Variants in MYLK3 observed in about 807,000 individuals in gnomAD.
The protein encoded by MYLK3 is myosin light chain kinase 3, also known as MLC kinase.
In MYLK3, 55 loss-of-function variants were observed where a neutral mutation model predicts 76.3. The observed-to-expected ratio is 0.72, with a 90% CI of 0.58 to 0.90. MYLK3 has a LOEUF of 0.90. Among genes scored for constraint, MYLK3 ranks in the 40% least tolerant of loss-of-function variants. The pLI is 0.00. For missense variants in MYLK3, 973 were observed against 1,053.6 expected (o/e 0.92, Z 1.06); for synonymous variants, 416 against 425.4 (o/e 0.98, Z 0.27).
chr16:46,721,500 G>A (rs557687143), intron 8 of MYLK3, among the ~76,000 whole-genome samples: 16 of 152,236 alleles, frequency 1.1e-4, no homozygotes, highest in South Asian at 1.0e-3. Context: ...AAGAGAAGCC[G>A]GGAATTCAGG....
intron 4 of MYLK3, among the ~76,000 whole-genome samples, chr16:46,731,524 T>C (rs1473729332): frequency 6.6e-6 from 1 of 152,184 alleles, no homozygotes; most frequent in Non-Finnish European, 1.5e-5. Flanking sequence ...GTGCTCGCCA[T>C]GGGAGCACTT....
At chr16:46,733,394 A>T (rs1048368913) in intron 3 of MYLK3, among the ~76,000 whole-genome samples, 1 of 152,138 alleles carries the variant, frequency 6.6e-6, no homozygotes, top group African/African-American at 2.4e-5. Context: ...AATTCTCATA[A>T]AAGACTAGAC....
At chr16:46,730,256 C>T (rs980313525) in intron 5 of MYLK3, among the ~76,000 whole-genome samples, 4 of 152,106 alleles carry the variant, frequency 2.6e-5, no homozygotes, top group African/African-American at 7.2e-5. Flanking sequence ...ACCACCTGGG[C>T]TATCCACCCT....
chr16:46,721,055 A>G, intron 9 of MYLK3, 68 bp downstream of exon 9: 2 of 1,387,742 alleles, frequency 1.4e-6, no homozygotes. Flanking sequence ...GTCAGGAGTA[A>G]CCATGCCCAG....
At chr16:46,742,125 T>C (rs965566787) in intron 1 of MYLK3, among the ~76,000 whole-genome samples, 2 of 152,110 alleles carry the variant, frequency 1.3e-5, no homozygotes, top group East Asian at 3.9e-4. Flanking sequence ...TGTGGAGCTA[T>C]ATATTTGAAA....
chr16:46,758,998 A>T (rs1217321962), intron 1 of MYLK3, among the ~76,000 whole-genome samples: 1 of 152,252 alleles, frequency 6.6e-6, no homozygotes, highest in African/African-American at 2.4e-5. Flanking sequence ...CAACAGCCAC[A>T]GCCCTGCCAG....
At chr16:46,738,164 CA>C in intron 2 of MYLK3, 21 bp from the exon 3 acceptor site, 1 of 1,488,438 alleles carries the variant, frequency 6.7e-7, no homozygotes, top group Non-Finnish European at 8.9e-7. Context: ...ACAGGCAGGA[CA>C]AAAATGCACT....
At chr16:46,758,300 ACACACTCTCTCT>A (rs757748982) in intron 1 of MYLK3, among the ~76,000 whole-genome samples, 1,302 of 51,200 alleles carry the variant, frequency 0.025, 8 homozygotes, top group East Asian at 0.16. Flanking sequence ...ACACACACAC[ACACACTCTCTCT>A]CTCTCTCTCT....
intron 1 of MYLK3, among the ~76,000 whole-genome samples, chr16:46,754,655 ATTTCT>A (rs1279480118): frequency 2.0e-5 from 3 of 152,168 alleles, no homozygotes; most frequent in African/African-American, 7.2e-5. Flanking sequence ...AAAGAAACAC[ATTTCT>A]TTTCTTTATA....
chr16:46,709,627 T>G lies in MYLK3; in HGVS notation c.2312A>C (p.Asn771Thr). 6.2e-7 allele frequency: 1 copy of G among 1,614,196 alleles called. No homozygotes were observed. The highest frequency in any genetic ancestry group is 8.5e-7 in the Non-Finnish European group (1 of 1,180,024). ...TCTTGAAGCTTTGGCAGGCAAATTATTCAGCCACTCGTGTTTCAGGCACTG... is the reference window on the plus strand; with the variant it reads ...TCTTGAAGCTTTGGCAGGCAAATTAGTCAGCCACTCGTGTTTCAGGCACTG... Reference protein sequence around the residue: ...ATQCLKHEWLNNLPAKASRSK... With the variant: ...ATQCLKHEWLTNLPAKASRSK... The change falls in exon 12 of 13, where the codon AAT becomes ACT. Residue 771 changes from asparagine to threonine, a missense_variant. By Grantham distance (65) the Asn-to-Thr change is moderately conservative. This residue lies in a region of MYLK3 where 332 missense variants were observed against 416.6 expected (regional missense o/e 0.80). Coordinates refer to ENST00000394809, the MANE Select transcript of MYLK3 (RefSeq NM_182493.3).
chr16:46,728,443 G>T (rs2143014565), intron 7 of MYLK3, among the ~76,000 whole-genome samples: 1 of 152,338 alleles, frequency 6.6e-6, no homozygotes, highest in Non-Finnish European at 1.5e-5. Flanking sequence ...AAAATAGGCA[G>T]AGTGTGGTGG....
chr16:46,737,184 A>G (rs1431814723), intron 3 of MYLK3, among the ~76,000 whole-genome samples: 1 of 152,220 alleles, frequency 6.6e-6, no homozygotes, highest in Non-Finnish European at 1.5e-5. Flanking sequence ...TCCCAACTCT[A>G]TGAATTCCTA....
rs139791452 is a variant in MYLK3 at position 46,735,693 on chromosome 16, A to G, written c.1001+2018T>C. 2.3e-4 allele frequency among the ~76,000 whole-genome samples: 35 copies of G among 152,290 alleles called. No homozygotes were observed. In the East Asian group the frequency reaches 6.8e-3, roughly 29 times the overall value. ...GGACTGGGCATGGTTCGGTAATGACAGGTAGGAAGGGAAGTGTGGCATCCA... is the reference window on the plus strand; with the variant it reads ...GGACTGGGCATGGTTCGGTAATGACGGGTAGGAAGGGAAGTGTGGCATCCA... On this transcript the variant is annotated intron_variant, in intron 3 of 12. Transcript: ENST00000394809.
chr16:46,731,246 TG>T (rs148238043), intron 4 of MYLK3, among the ~76,000 whole-genome samples: 4 of 152,228 alleles, frequency 2.6e-5, no homozygotes, highest in East Asian at 3.9e-4. Context: ...GGCACAGGAT[TG>T]GGGAGGGGGT....
In MYLK3 at chr16:46,730,699, C is replaced by A; in HGVS notation, c.1463-1G>T. On this transcript the variant is annotated splice_acceptor_variant, in intron 4 of 12. Transcript: ENST00000394809. LOFTEE classifies it high-confidence loss of function. Reference sequence around the variant, plus strand: ...GGAGCTGGTGGGGCCGGACTGTCATCTGCTCAGGAGGCAATAAGGACCTGT... The same window carrying A: ...GGAGCTGGTGGGGCCGGACTGTCATATGCTCAGGAGGCAATAAGGACCTGT... 1 of 1,613,908 alleles carries A rather than the reference C, an allele frequency of 6.2e-7. No individual in the cohort carries two copies. The highest frequency in any genetic ancestry group is 8.5e-7 in the Non-Finnish European group (1 of 1,179,990).
intron 3 of MYLK3, among the ~76,000 whole-genome samples, chr16:46,735,880 A>C (rs1041748242): frequency 6.6e-6 from 1 of 152,192 alleles, no homozygotes; most frequent in South Asian, 2.1e-4. Context: ...ACTTACAAGC[A>C]GCTCCTGCCA....
intron 3 of MYLK3, among the ~76,000 whole-genome samples, 187 bp from the exon 4 acceptor site, chr16:46,732,855 G>T (rs1395525292): frequency 1.3e-5 from 2 of 152,220 alleles, no homozygotes; most frequent in Non-Finnish European, 2.9e-5. Flanking sequence ...CCCACCGGAT[G>T]AGGGTCCTGG....
chr16:46,709,521 A>G lies in MYLK3; in HGVS notation c.2400+18T>C. On this transcript the variant is annotated intron_variant, in intron 12 of 12. Coordinates refer to ENST00000394809, the MANE Select transcript of MYLK3 (RefSeq NM_182493.3). ...TAGGATGACAAATTCCACCTTTACT[A>G]AGAGAAAAACCAAATACCTTCCATT... 1 of 1,609,486 alleles carries G rather than the reference A, an allele frequency of 6.2e-7. No individual in the cohort carries two copies. The highest frequency in any genetic ancestry group is 8.5e-7 in the Non-Finnish European group (1 of 1,178,254).
rs145010142 is a variant in MYLK3 at position 46,758,833 on chromosome 16, A to C, written c.-114+4207T>G. On this transcript the variant is annotated intron_variant, in intron 1 of 11. Coordinates refer to the MYLK3 transcript ENST00000536476. ...AGAGGTGTGTGCGGGGTGCGGGGTG[A>C]GACTGGATATAGGCTCGGCTCTGAC... Among the ~76,000 whole-genome samples the C allele has an allele frequency of 3.0e-3, 457 of 152,138 alleles. 2 individuals are homozygous for C. Among genetic ancestry groups the C allele is most frequent in the African/African-American group, 0.01 (433 of 41,510 alleles).
Sources: allele counts gnomAD v4.1 joint callset (sites outside exome capture counted in the v4.1 genomes callset), GRCh38; gene constraint gnomAD v4.1.1; regional missense constraint gnomAD v4.1.1; transcripts MANE v1.5; gene names NCBI Gene and HGNC (gene_info 2026-07-23, HGNC 2026-07-21).